The following CNGA1 variants were observed in gnomAD, a reference collection of about 807,000 sequenced individuals.
CNGA1 encodes cyclic nucleotide gated channel subunit alpha 1, also known as cyclic nucleotide-gated channel alpha-1.
CNGA1 carries 53 observed loss-of-function variants against 69.7 expected under a neutral mutation model. The ratio of observed to expected loss-of-function variants is 0.76; its 90% CI spans 0.61 to 0.96. The LOEUF (loss-of-function observed/expected upper bound fraction) is 0.96. CNGA1 is among the 40% of genes least tolerant of loss of function. CNGA1 has a pLI of 0.00. For synonymous variants in CNGA1, 249 were observed against 283.5 expected (o/e 0.88, Z 1.22); for missense variants, 739 against 811.2 (o/e 0.91, Z 1.08).
intron 3 of CNGA1, among the ~76,000 whole-genome samples, chr4:47,972,229 T>C (rs888086261): frequency 6.6e-6 from 1 of 152,240 alleles, no homozygotes; most frequent in Non-Finnish European, 1.5e-5. Flanking sequence ...AGCCTATAAA[T>C]ACATAATATT....
chr4:47,998,608 C>A (rs1714507580), intron 2 of CNGA1, among the ~76,000 whole-genome samples: 1 of 148,442 alleles, frequency 6.7e-6, no homozygotes, highest in African/African-American at 2.5e-5. Context: ...AAACCCGTCT[C>A]TACTAAAAAT....
intron 2 of CNGA1, among the ~76,000 whole-genome samples, chr4:48,007,669 TAA>T (rs34214654): frequency 8.6e-5 from 13 of 151,446 alleles, no homozygotes; most frequent in African/African-American, 1.9e-4. Flanking sequence ...AACCTTAACT[TAA>T]AAAAAAAAAT....
intron 3 of CNGA1, among the ~76,000 whole-genome samples, chr4:47,958,785 T>C (rs1419501983): frequency 6.6e-6 from 1 of 152,188 alleles, no homozygotes; most frequent in Non-Finnish European, 1.5e-5. Flanking sequence ...TCGGAAAAGT[T>C]CATACAGGAG....
At chr4:47,956,884 A>G (rs1252581356) in intron 3 of CNGA1, among the ~76,000 whole-genome samples, 1 of 152,172 alleles carries the variant, frequency 6.6e-6, no homozygotes, top group Non-Finnish European at 1.5e-5. Context: ...TGGCATTTAA[A>G]TATCTACATT....
chr4:48,011,220 G>A (rs13143926), intron 1 of CNGA1, among the ~76,000 whole-genome samples: 26,475 of 151,454 alleles, frequency 0.17, 2,483 homozygotes, highest in Middle Eastern at 0.24. Flanking sequence ...TTCCTTAGTC[G>A]GCCTAGGAAA....
intron 8 of CNGA1, among the ~76,000 whole-genome samples, chr4:47,942,653 G>T (rs1227397607): frequency 2.0e-5 from 3 of 152,180 alleles, no homozygotes; most frequent in Admixed American, 2.0e-4. Context: ...AGCAGGAGGT[G>T]AGCTGCAGGG....
chr4:48,004,407 C>T (rs1714811455), intron 2 of CNGA1, among the ~76,000 whole-genome samples: 1 of 152,180 alleles, frequency 6.6e-6, no homozygotes. Flanking sequence ...TTTCTACACT[C>T]TCTCATCTCT....
chr4:47,991,871 A>G (rs1742284805), intron 2 of CNGA1, among the ~76,000 whole-genome samples: 1 of 152,104 alleles, frequency 6.6e-6, no homozygotes, highest in South Asian at 2.1e-4. Context: ...ATGAACTTTT[A>G]TTCTCCTACA....
At chr4:47,950,211 G>A (rs1739658561) in intron 5 of CNGA1, among the ~76,000 whole-genome samples, 1 of 152,156 alleles carries the variant, frequency 6.6e-6, no homozygotes, top group Non-Finnish European at 1.5e-5. Context: ...GGACCCAGTG[G>A]GAAGTAATTG....
chr4:47,998,869 G>C (rs888751228), intron 2 of CNGA1, among the ~76,000 whole-genome samples: 26 of 152,318 alleles, frequency 1.7e-4, no homozygotes, highest in African/African-American at 6.3e-4. Context: ...AAAGGATACA[G>C]TACCCCCTTA....
intron 3 of CNGA1, among the ~76,000 whole-genome samples, chr4:47,967,746 AGGTG>A: frequency 6.6e-6 from 1 of 152,200 alleles, no homozygotes; most frequent in African/African-American, 2.4e-5. Context: ...TGGGAGGCCG[AGGTG>A]GGCGGATCAC....
chr4:47,936,988 A>G lies in CNGA1; in HGVS notation c.1494T>C (p.Pro498=). Reference sequence around the variant, plus strand: ...CCCCTTTCTTGCAAATATAATCTCCAGGACTGTAGACTTGGGGTTGCAATT... The same window carrying G: ...CCCCTTTCTTGCAAATATAATCTCCGGGACTGTAGACTTGGGGTTGCAATT... ...VLKLQPQVYS[P]GDYICKKGDI... is the part of the protein sequence containing the mutation. The change falls in exon 11 of 11, where the codon CCT becomes CCC. Residue 498 remains proline, a synonymous_variant. Coordinates refer to ENST00000514170, the MANE Select transcript of CNGA1 (RefSeq NM_001379270.1). The G allele has an allele frequency of 6.2e-7, 1 of 1,614,168 alleles. No individual in the cohort carries two copies. Among genetic ancestry groups the G allele is most frequent in the South Asian group, 1.1e-5 (1 of 91,082 alleles).
intron 2 of CNGA1, among the ~76,000 whole-genome samples, chr4:48,000,473 G>A (rs192877162): frequency 6.9e-4 from 105 of 151,936 alleles, no homozygotes; most frequent in Non-Finnish European, 1.2e-3. Flanking sequence ...AGTTTCAAGC[G>A]ATTCTCATGC....
At chr4:47,982,363 T>A (rs1741756369) in intron 2 of CNGA1, among the ~76,000 whole-genome samples, 1 of 152,216 alleles carries the variant, frequency 6.6e-6, no homozygotes, top group African/African-American at 2.4e-5. Flanking sequence ...GTTGAATGGT[T>A]TCAGCTCCAG....
intron 3 of CNGA1, among the ~76,000 whole-genome samples, chr4:47,961,422 A>G (rs1461080555): frequency 1.3e-5 from 2 of 152,330 alleles, no homozygotes; most frequent in Middle Eastern, 3.4e-3. Flanking sequence ...AAGTAGTCAG[A>G]GCTGAGAACC....
chr4:47,974,037 A>G (rs1741193477), intron 3 of CNGA1, among the ~76,000 whole-genome samples: 1 of 152,044 alleles, frequency 6.6e-6, no homozygotes. Flanking sequence ...TACAAAAAAT[A>G]CAAAAATTAG....
intron 3 of CNGA1, among the ~76,000 whole-genome samples, chr4:47,955,277 G>A (rs1488615974): frequency 3.4e-5 from 5 of 148,452 alleles, no homozygotes; most frequent in Non-Finnish European, 5.9e-5. Context: ...CTGCCTCCTG[G>A]TTTTGAGCTG....
chr4:47,996,577 A>G (rs930430367), intron 2 of CNGA1, among the ~76,000 whole-genome samples: 1 of 152,134 alleles, frequency 6.6e-6, no homozygotes. Context: ...AATTACAGTA[A>G]ATATTAAGAT....
intron 3 of CNGA1, among the ~76,000 whole-genome samples, chr4:47,960,130 G>T (rs1740343123): frequency 6.6e-6 from 1 of 152,004 alleles, no homozygotes; most frequent in Non-Finnish European, 1.5e-5. Flanking sequence ...CTTCCTAAAA[G>T]AAGATATAAA....
Sources: allele counts gnomAD v4.1 joint callset (sites outside exome capture counted in the v4.1 genomes callset), GRCh38; gene constraint gnomAD v4.1.1; transcripts MANE v1.5; gene names NCBI Gene and HGNC (gene_info 2026-07-23, HGNC 2026-07-21).